The following AFG2A variants were observed in gnomAD, a reference collection of about 807,000 sequenced individuals.
AFG2A encodes the protein ATPase family gene 2 protein homolog A.
At chr4:123,031,277 G>A in the AFG2A span, among the ~76,000 whole-genome samples, 1 of 151,962 alleles carries the variant, frequency 6.6e-6, no homozygotes, top group African/African-American at 2.4e-5. Context: ...TCAGCCTCCC[G>A]AGTAGCTGGG....
the AFG2A span, among the ~76,000 whole-genome samples, chr4:123,205,360 C>T: frequency 2.0e-5 from 3 of 151,826 alleles, no homozygotes; most frequent in African/African-American, 7.3e-5. Context: ...AAAATTATGA[C>T]AGTTATTATA....
chr4:123,118,166 AT>A, the AFG2A span, among the ~76,000 whole-genome samples: 1 of 151,122 alleles, frequency 6.6e-6, no homozygotes, highest in Non-Finnish European at 1.5e-5. Context: ...ATACATGCTC[AT>A]TCCTTGTTCC....
chr4:123,072,699 G>A, the AFG2A span, among the ~76,000 whole-genome samples: 4 of 152,214 alleles, frequency 2.6e-5, no homozygotes, highest in African/African-American at 4.8e-5. Flanking sequence ...TGCAGTATGT[G>A]CAACACAATA....
chr4:123,299,005 T>C, the AFG2A span, among the ~76,000 whole-genome samples: 1 of 152,200 alleles, frequency 6.6e-6, no homozygotes, highest in Non-Finnish European at 1.5e-5. Context: ...CAGTTAATTT[T>C]AAAAGACTCA....
chr4:123,071,339 G>T, the AFG2A span, among the ~76,000 whole-genome samples: 7 of 152,278 alleles, frequency 4.6e-5, no homozygotes, highest in African/African-American at 1.7e-4. Flanking sequence ...AATTAGCCGG[G>T]CGTGGTGGCG....
chr4:123,077,052 T>TGG, the AFG2A span, among the ~76,000 whole-genome samples: 1 of 147,818 alleles, frequency 6.8e-6, no homozygotes, highest in African/African-American at 2.5e-5. Context: ...TGTTGTTTTT[T>TGG]TTTTTTTTTT....
At chr4:123,063,892 A>T in the AFG2A span, among the ~76,000 whole-genome samples, 13 of 152,344 alleles carry the variant, frequency 8.5e-5, no homozygotes, top group South Asian at 2.5e-3. Context: ...AAAATTACTG[A>T]AAAGATAAGA....
the AFG2A span, chr4:123,256,744 T>C: frequency 4.1e-6 from 4 of 985,304 alleles, no homozygotes; most frequent in Non-Finnish European, 3.6e-6. Context: ...AGATAAACTC[T>C]TGACAAGAAC....
the AFG2A span, among the ~76,000 whole-genome samples, chr4:123,264,028 C>A: frequency 1.3e-5 from 2 of 152,128 alleles, no homozygotes; most frequent in African/African-American, 4.8e-5. Flanking sequence ...TACTACTTAG[C>A]CATAAAAAGG....
chr4:123,191,257 A>T, the AFG2A span, among the ~76,000 whole-genome samples: 2 of 152,172 alleles, frequency 1.3e-5, no homozygotes, highest in Non-Finnish European at 2.9e-5. Context: ...CCAATTCTGA[A>T]ATATAAGGAT....
the AFG2A span, among the ~76,000 whole-genome samples, chr4:122,992,911 C>G: frequency 1.3e-5 from 2 of 150,358 alleles, no homozygotes; most frequent in African/African-American, 4.9e-5. Flanking sequence ...ATTTTCTTAT[C>G]CAGAGATAAC....
chr4:123,307,070 G>T, the AFG2A span, among the ~76,000 whole-genome samples: 3 of 152,174 alleles, frequency 2.0e-5, no homozygotes, highest in Non-Finnish European at 4.4e-5. Context: ...ATTCAAACTT[G>T]TCTATTCACC....
chr4:123,252,990 T>A, the AFG2A span, among the ~76,000 whole-genome samples: 1 of 152,230 alleles, frequency 6.6e-6, no homozygotes, highest in Non-Finnish European at 1.5e-5. Context: ...ATATTTTGAC[T>A]ATTCACTCAT....
the AFG2A span, among the ~76,000 whole-genome samples, chr4:122,980,381 C>T: frequency 6.6e-6 from 1 of 152,128 alleles, no homozygotes; most frequent in Non-Finnish European, 1.5e-5. Context: ...TACCATTATA[C>T]CACATTTTCT....
At chr4:123,178,019 C>T in the AFG2A span, among the ~76,000 whole-genome samples, 8 of 152,156 alleles carry the variant, frequency 5.3e-5, no homozygotes, top group African/African-American at 1.7e-4. Flanking sequence ...AGTTTTATGT[C>T]ATCAAATTGT....
the AFG2A span, among the ~76,000 whole-genome samples, chr4:123,045,276 A>G: frequency 2.0e-5 from 3 of 151,784 alleles, no homozygotes; most frequent in African/African-American, 7.3e-5. Flanking sequence ...AGTTGCTGCC[A>G]TATGCCCCAT....
At chr4:123,296,231 T>C in the AFG2A span, among the ~76,000 whole-genome samples, 10 of 150,038 alleles carry the variant, frequency 6.7e-5, no homozygotes, top group African/African-American at 2.4e-4. Flanking sequence ...TTAATACAAG[T>C]TAATAAGAAA....
At chr4:123,070,946 A>G in the AFG2A span, among the ~76,000 whole-genome samples, 10 of 152,228 alleles carry the variant, frequency 6.6e-5, no homozygotes, top group African/African-American at 2.4e-4. Flanking sequence ...TTTTTATTTT[A>G]CTATTTCTAG....
At chr4:123,066,168 G>A in the AFG2A span, among the ~76,000 whole-genome samples, 3 of 152,224 alleles carry the variant, frequency 2.0e-5, no homozygotes, top group South Asian at 4.2e-4. Flanking sequence ...CAGGCTTAGC[G>A]GCATTCTGAA....
Sources: gnomAD v4.1 joint callset for allele counts (sites outside exome capture counted in the v4.1 genomes callset) on GRCh38, gnomAD v4.1.1 for gene constraint, MANE v1.5 for transcripts, NCBI Gene and HGNC (gene_info 2026-07-23, HGNC 2026-07-21) for gene names.